The following SF3B3 variants were observed in gnomAD, a reference collection of about 807,000 sequenced individuals.
The protein encoded by SF3B3 is SAP 130.
In SF3B3, 33 loss-of-function variants were observed where a neutral mutation model predicts 139.2. That is an observed-to-expected ratio of 0.24 (90% CI 0.18 to 0.32). The LOEUF is 0.32. SF3B3 is among the 10% of genes least tolerant of loss of function. SF3B3 has a pLI of 1.00. For missense variants in SF3B3, 818 were observed against 1,509.4 expected (o/e 0.54, Z 7.59); for synonymous variants, 596 against 563.6 (o/e 1.06, Z -0.81).
At position 70,574,860 on chromosome 16, in the gene SF3B3, T is replaced by C. The variant is rs1310638317; in HGVS notation, c.*3047T>C. On this transcript the variant is annotated 3_prime_UTR_variant, in exon 26 of 26. Coordinates refer to ENST00000302516, the MANE Select transcript of SF3B3 (RefSeq NM_012426.5). ...TGAGTCATCCACTTGCTCATTTGCA[T>C]ATGGAATATTGTATGTGAATATTTT... 6.6e-6 allele frequency: 1 copy of C among 152,230 alleles called. No homozygotes were observed. The highest frequency in any genetic ancestry group is 2.4e-5 in the African/African-American group (1 of 41,458). 9.4% of individuals were successfully genotyped at this position (152,230 alleles called of 1,614,324 possible). A position where few individuals can be genotyped will look rare whatever the true frequency, so the allele number is the denominator to read the frequency against.
chr16:70,571,569 A>C, intron 25 of SF3B3, 104 bp from the exon 26 acceptor site: 1 of 1,296,358 alleles, frequency 7.7e-7, no homozygotes, highest in Admixed American at 2.6e-5. Flanking sequence ...TGTCTCAAAA[A>C]CTAAAAAATA....
At chr16:70,532,365 A>G (rs922799041) in intron 4 of SF3B3, 114 bp from the exon 5 acceptor site, 4 of 832,810 alleles carry the variant, frequency 4.8e-6, no homozygotes, top group Non-Finnish European at 7.3e-6. Flanking sequence ...TCCAAAAAAA[A>G]AAGAAGACAT....
At chr16:70,557,973 T>C (rs185996845) in intron 15 of SF3B3, among the ~76,000 whole-genome samples, 149 of 152,340 alleles carry the variant, frequency 9.8e-4, no homozygotes, top group Non-Finnish European at 1.8e-3. Context: ...TTATAGTTGG[T>C]TGTGCTCAGG....
At chr16:70,542,802 A>G (rs930990250) in intron 9 of SF3B3, among the ~76,000 whole-genome samples, 3 of 150,966 alleles carry the variant, frequency 2.0e-5, no homozygotes, top group Non-Finnish European at 4.4e-5. Context: ...GCTCACTGCA[A>G]GTTCCGCCTC....
In SF3B3 at chr16:70,568,616, T is replaced by C. The variant is rs1442925450; in HGVS notation, c.3165+121T>C. ...TAAAAATGGATATAAAATTCCATCC[T>C]ACTAAAGCTAACTCTACAAGCAATC... On this transcript the variant is annotated intron_variant, in intron 22 of 25. Transcript: ENST00000302516. 9 of 741,746 alleles carry C rather than the reference T, an allele frequency of 1.2e-5. No homozygotes were observed. The South Asian group carries it at 1.6e-4, about 13-fold the overall frequency. The allele number at this position is 741,746 out of a possible 1,614,324, so 45.9% of individuals were successfully genotyped here. A position where few individuals can be genotyped will look rare whatever the true frequency, so the allele number is the denominator to read the frequency against.
intron 7 of SF3B3, 60 bp from the exon 8 acceptor site, chr16:70,539,044 C>G: frequency 8.2e-7 from 1 of 1,213,796 alleles, no homozygotes; most frequent in Non-Finnish European, 1.2e-6. Context: ...CCTGTGCTGT[C>G]TTATAATACG....
At chr16:70,565,554 T>A in intron 20 of SF3B3, 30 bp downstream of exon 20, 1 of 1,594,546 alleles carries the variant, frequency 6.3e-7, no homozygotes, top group East Asian at 2.2e-5. Flanking sequence ...TCTCCTAGAT[T>A]TTAAGTCCCA....
At chr16:70,527,043 G>T in intron 2 of SF3B3, 1 of 305,972 alleles carries the variant, frequency 3.3e-6, no homozygotes. Context: ...TCTTGAATTT[G>T]ACATCAGGTT....
rs1200525814 is a variant in SF3B3 at position 70,560,452 on chromosome 16, C to T, written c.2011-17C>T. 1.9e-6 allele frequency: 3 copies of T among 1,611,886 alleles called. No individual in the cohort carries two copies. Among genetic ancestry groups the T allele is most frequent in the East Asian group, 2.2e-5 (1 of 44,794 alleles). On this transcript the variant is annotated splice_polypyrimidine_tract_variant and intron_variant, in intron 15 of 25. Coordinates refer to ENST00000302516, the MANE Select transcript of SF3B3 (RefSeq NM_012426.5). ...AAGCTTCCATCAGGCTTCACCTGCT[C>T]CTCTCCTTTTGATTAGAACGGTGTG...
At chr16:70,546,369 C>G (rs561465949) in intron 10 of SF3B3, among the ~76,000 whole-genome samples, 1 of 152,288 alleles carries the variant, frequency 6.6e-6, no homozygotes, top group Admixed American at 6.5e-5. Flanking sequence ...TGCATATGTG[C>G]GGCTGGGCAC....
At chr16:70,529,498 G>A (rs532190126) in intron 3 of SF3B3, 4 of 357,830 alleles carry the variant, frequency 1.1e-5, no homozygotes, top group Admixed American at 9.0e-5. Context: ...AGTGAATATC[G>A]TTGCTTTCAT....
At chr16:70,548,100 ATTGTAC>A (rs543445491) in intron 10 of SF3B3, among the ~76,000 whole-genome samples, 18 of 152,250 alleles carry the variant, frequency 1.2e-4, no homozygotes, top group African/African-American at 4.3e-4. Flanking sequence ...ATCAAGGCAT[ATTGTAC>A]TTGAAGGAAA....
chr16:70,569,260 C>T, intron 23 of SF3B3, 119 bp downstream of exon 23: 1 of 658,812 alleles, frequency 1.5e-6, no homozygotes, highest in South Asian at 2.1e-5. Context: ...TGAGTGCTGT[C>T]CGTCCACAGT....
intron 20 of SF3B3, among the ~76,000 whole-genome samples, chr16:70,567,107 AT>A (rs2050484233): frequency 6.6e-6 from 1 of 152,110 alleles, no homozygotes; most frequent in Admixed American, 6.5e-5. Context: ...CCCTCCACAA[AT>A]TACAGTCACT....
intron 17 of SF3B3, 134 bp from the exon 18 acceptor site, chr16:70,563,742 G>A (rs2050450543): frequency 2.6e-6 from 2 of 756,664 alleles, no homozygotes; most frequent in Non-Finnish European, 4.4e-6. Flanking sequence ...GTAGGAGGCT[G>A]TTGTTTAATG....
intron 6 of SF3B3, among the ~76,000 whole-genome samples, chr16:70,536,427 G>A (rs575397079): frequency 1.3e-5 from 2 of 151,870 alleles, no homozygotes; most frequent in Non-Finnish European, 2.9e-5. Flanking sequence ...GTAGTGGTGC[G>A]ATCTGGGCTC....
Position 70,561,759 on chromosome 16 carries a change from G to T in SF3B3, c.2263G>T (p.Val755Leu), listed in dbSNP as rs1468793312. 1 of 1,614,074 alleles carries T rather than the reference G, an allele frequency of 6.2e-7. No individual in the cohort carries two copies. The change falls in exon 17 of 26, where the codon GTG (valine) becomes TTG (leucine). Residue 755 changes from valine to leucine, a missense_variant. Physicochemically the swap from Val to Leu is conservative, Grantham distance 32. Around this residue, in one of 14 missense-constraint regions of SF3B3, gnomAD observed 170 missense variants for 353.0 expected, o/e 0.48. Transcript: ENST00000302516. Reference sequence around the variant, plus strand: ...CTCGGAACAGTGTCCCGAGGGCATTGTGGCCATCTCCACCAACACCCTACG... The same window carrying T: ...CTCGGAACAGTGTCCCGAGGGCATTTTGGCCATCTCCACCAACACCCTACG... ...FASEQCPEGI[V>L]AISTNTLRIL...
At chr16:70,532,822 C>A (rs2050134219) in intron 5 of SF3B3, among the ~76,000 whole-genome samples, 1 of 152,168 alleles carries the variant, frequency 6.6e-6, no homozygotes, top group Admixed American at 6.5e-5. Flanking sequence ...TCCTTAATAA[C>A]TCATATTCTA....
intron 12 of SF3B3, among the ~76,000 whole-genome samples, 163 bp from the exon 13 acceptor site, chr16:70,554,888 A>T (rs2050365057): frequency 6.6e-6 from 1 of 152,190 alleles, no homozygotes; most frequent in Non-Finnish European, 1.5e-5. Context: ...TTAAAAGTTG[A>T]CCTTGCCTGA....
Sources: gnomAD v4.1 joint callset for allele counts (sites outside exome capture counted in the v4.1 genomes callset) on GRCh38, gnomAD v4.1.1 for gene constraint, gnomAD v4.1.1 regional missense constraint, MANE v1.5 for transcripts, NCBI Gene and HGNC (gene_info 2026-07-23, HGNC 2026-07-21) for gene names.